Variants in PCM1 observed in about 807,000 individuals in gnomAD.
PCM1 encodes the protein pericentriolar material 1.
In PCM1, 157 loss-of-function variants were observed where a neutral mutation model predicts 241.9. The ratio of observed to expected loss-of-function variants is 0.65; its 90% confidence interval spans 0.57 to 0.74. PCM1 has a LOEUF of 0.74. Among genes scored for constraint, PCM1 ranks in the 30% least tolerant of loss-of-function variants. PCM1 has a pLI of 0.00. For synonymous variants in PCM1, 1,085 were observed against 784.9 expected (o/e 1.38, Z -6.39); for missense variants, 3,478 against 2,360.1 (o/e 1.47, Z -9.81).
chr8:17,980,351 A>C, intron 23 of PCM1: 1 of 341,688 alleles, frequency 2.9e-6, no homozygotes. Context: ...GAATTGGAAT[A>C]TACTCATTAA....
At chr8:18,011,500 G>C in intron 33 of PCM1, 134 bp downstream of exon 33, 1 of 1,058,252 alleles carries the variant, frequency 9.4e-7, no homozygotes, top group Admixed American at 3.1e-5. Context: ...CTGTGACCCT[G>C]ACTAAATTAT....
Position 17,937,303 on chromosome 8 carries a change from T to A in PCM1, c.266T>A (p.Met89Lys), listed in dbSNP as rs779374787. The A allele has an allele frequency of 3.4e-5, 55 of 1,609,340 alleles. No homozygotes were observed. The highest frequency in any genetic ancestry group is 4.3e-5 in the Non-Finnish European group (51 of 1,176,912). The part of the protein sequence containing the change: ...TPHTFPHSRY[M>K]SQMSVPEQAE... Reference sequence around the variant, plus strand: ...CATACGTTCCCACACAGTAGATACATGAGTCAGATGTCTGTCCCAGAGCAG... The same window carrying A: ...CATACGTTCCCACACAGTAGATACAAGAGTCAGATGTCTGTCCCAGAGCAG... Residue 89 changes from methionine to lysine, a missense_variant, in exon 4 of 39, where the codon ATG becomes AAG. By Grantham distance (95) the Met-to-Lys change is moderately conservative. Coordinates refer to ENST00000325083, the MANE Select transcript of PCM1 (RefSeq NM_006197.4).
intron 15 of PCM1, 56 bp from the exon 16 acceptor site, chr8:17,961,978 G>A (rs2072460644): frequency 1.6e-5 from 24 of 1,507,998 alleles, no homozygotes; most frequent in Non-Finnish European, 2.2e-5. Context: ...CTGCTTTTAT[G>A]AAATTAATAT....
intron 6 of PCM1, chr8:17,940,255 A>G: frequency 3.1e-6 from 2 of 655,410 alleles, no homozygotes; most frequent in Non-Finnish European, 5.3e-6. Flanking sequence ...CCTTAATGAA[A>G]AGTGTATTCC....
chr8:17,997,141 AGGATATTTTTGCT>A (rs1459972029), intron 29 of PCM1, among the ~76,000 whole-genome samples: 2 of 152,152 alleles, frequency 1.3e-5, no homozygotes, highest in Admixed American at 1.3e-4. Context: ...TCGTGTTTGA[AGGATATTTTTGCT>A]GGATGTACTA....
At position 17,963,087 on chromosome 8, in the gene PCM1, C is replaced by G; in HGVS notation, c.2464-14C>G. 6.3e-7 allele frequency: 1 copy of G among 1,580,412 alleles called. No individual in the cohort carries two copies. The highest frequency in any genetic ancestry group is 8.6e-7 in the Non-Finnish European group (1 of 1,161,550). Reference sequence around the variant, plus strand: ...CCAAATATTTATTTAACTCTGGTTTCTTAAAAAAAATAGTTGTGGTCAGAA... The same window carrying G: ...CCAAATATTTATTTAACTCTGGTTTGTTAAAAAAAATAGTTGTGGTCAGAA... On this transcript the variant is annotated splice_polypyrimidine_tract_variant and intron_variant, in intron 16 of 38. Transcript: ENST00000325083.
chr8:18,012,906 G>A (rs1038571860), intron 34 of PCM1, among the ~76,000 whole-genome samples: 3 of 151,742 alleles, frequency 2.0e-5, no homozygotes, highest in African/African-American at 4.8e-5. Flanking sequence ...TTTTCTGATT[G>A]TTACTTTTTA....
Position 17,997,961 on chromosome 8 carries a change from G to A in PCM1, c.4827+4342G>A, listed in dbSNP as rs368616780. The stretch of plus-strand genomic sequence containing the variant: ...CGAGGCAGGAGAATCGCTTGAACCC[G>A]GGAGGCGGAGGTTGCAGTGAGCCGA... On this transcript the variant is annotated intron_variant, in intron 29 of 38. Transcript: ENST00000325083. 2.6e-4 allele frequency among the ~76,000 whole-genome samples: 40 copies of A among 151,542 alleles called. 1 individual carries two copies. The highest frequency in any genetic ancestry group is 5.3e-4 in the Admixed American group (8 of 15,214).
chr8:17,948,998 T>C (rs1174551613), intron 7 of PCM1, among the ~76,000 whole-genome samples: 1 of 152,198 alleles, frequency 6.6e-6, no homozygotes, highest in African/African-American at 2.4e-5. Context: ...TATAGAATTT[T>C]AGCAGAATTA....
chr8:18,010,492 A>G, intron 31 of PCM1, 117 bp from the exon 32 acceptor site: 1 of 670,090 alleles, frequency 1.5e-6, no homozygotes, highest in Non-Finnish European at 2.5e-6. Flanking sequence ...ATTAGAAAGT[A>G]ATACAGGCCA....
At chr8:17,967,301 A>AAC in intron 21 of PCM1, 131 bp downstream of exon 21, 2 of 636,678 alleles carry the variant, frequency 3.1e-6, no homozygotes, top group Non-Finnish European at 5.1e-6. Context: ...GAAAGTTACA[A>AAC]ACTCTTTTTT....
At position 17,985,669 on chromosome 8, in the gene PCM1, T is replaced by G. The variant is rs747220590; in HGVS notation, c.4281+50T>G. The G allele has an allele frequency of 8.9e-5, 121 of 1,352,870 alleles. 1 individual carries two copies. In the South Asian group the frequency reaches 1.0e-3, roughly 12 times the overall value. The allele number at this position is 1,352,870 out of a possible 1,614,324, so 83.8% of individuals were successfully genotyped here. A position where few individuals can be genotyped will look rare whatever the true frequency, so the allele number is the denominator to read the frequency against. The stretch of plus-strand genomic sequence containing the variant: ...TCCTACCCTATTATCACCTTCTTCA[T>G]GATTATCTCTGGTTGCTGTCTTAGA... On this transcript the variant is annotated intron_variant, in intron 25 of 38. Coordinates refer to ENST00000325083, the MANE Select transcript of PCM1 (RefSeq NM_006197.4).
At chr8:18,019,805 C>G (rs2093614839) in intron 36 of PCM1, among the ~76,000 whole-genome samples, 1 of 152,142 alleles carries the variant, frequency 6.6e-6, no homozygotes, top group Non-Finnish European at 1.5e-5. Flanking sequence ...CTTAACAGGC[C>G]CTGGACTGGT....
rs2085473311 is a variant in PCM1, at chr8:17,993,397, T to C, written c.4691-86T>C. ...TATGTTAGCATAAAATCATCAAATTTAATATTTTTCAAATTTCAACATAAA... is the reference window on the plus strand; with the variant it reads ...TATGTTAGCATAAAATCATCAAATTCAATATTTTTCAAATTTCAACATAAA... On this transcript the variant is annotated intron_variant, in intron 28 of 38. Coordinates refer to ENST00000325083, the MANE Select transcript of PCM1 (RefSeq NM_006197.4). The C allele has an allele frequency of 3.4e-6, 3 of 888,426 alleles. No individual in the cohort carries two copies. In the South Asian group the frequency reaches 7.1e-5, roughly 21 times the overall value. 55.0% of individuals were successfully genotyped at this position (888,426 alleles called of 1,614,324 possible). A position where few individuals can be genotyped will look rare whatever the true frequency, so the allele number is the denominator to read the frequency against.
At chr8:18,009,456 T>C in intron 30 of PCM1, 91 bp from the exon 31 acceptor site, 1 of 771,676 alleles carries the variant, frequency 1.3e-6, no homozygotes. Flanking sequence ...ATCATAAACA[T>C]TAGTTTTAAG....
chr8:17,945,675 T>G (rs2063524196), intron 6 of PCM1, among the ~76,000 whole-genome samples: 1 of 152,152 alleles, frequency 6.6e-6, no homozygotes, highest in African/African-American at 2.4e-5. Context: ...GGTAAAGAAA[T>G]TTTTATATAG....
chr8:17,924,866 C>T (rs2056286384), intron 2 of PCM1, 86 bp downstream of exon 2: 1 of 152,204 alleles, frequency 6.6e-6, no homozygotes, highest in African/African-American at 2.4e-5. Context: ...AGTTACAGTG[C>T]ATGACTGAGG....
At chr8:18,019,542 T>C (rs2093593301) in intron 36 of PCM1, among the ~76,000 whole-genome samples, 1 of 152,118 alleles carries the variant, frequency 6.6e-6, no homozygotes, top group South Asian at 2.1e-4. Flanking sequence ...AACTAGATGG[T>C]CATATCTGGG....
At chr8:17,953,719 G>A (rs928288521) in intron 9 of PCM1, among the ~76,000 whole-genome samples, 1 of 152,108 alleles carries the variant, frequency 6.6e-6, no homozygotes, top group African/African-American at 2.4e-5. Context: ...AGGTATAACT[G>A]CGGGAGTTAT....
Sources: gnomAD v4.1 joint callset for allele counts (sites outside exome capture counted in the v4.1 genomes callset) on GRCh38, gnomAD v4.1.1 for gene constraint, MANE v1.5 for transcripts, NCBI Gene and HGNC (gene_info 2026-07-23, HGNC 2026-07-21) for gene names.